The following PPAT variants were observed in gnomAD, a reference collection of about 807,000 sequenced individuals.
PPAT encodes the protein phosphoribosyl pyrophosphate amidotransferase, also known as amidophosphoribosyltransferase.
PPAT carries 20 observed loss-of-function variants against 60.2 expected under a neutral mutation model. That is an observed-to-expected ratio of 0.33 (90% CI 0.23 to 0.48). The LOEUF (loss-of-function observed/expected upper bound fraction) is 0.48. PPAT is among the 20% of genes least tolerant of loss of function. The pLI, the probability that PPAT is intolerant of heterozygous loss-of-function variation, is 0.99. For missense variants in PPAT, 349 were observed against 629.6 expected, an observed-to-expected ratio of 0.55 and a Z score of 4.77; for synonymous variants, 194 against 215.1, an observed-to-expected ratio of 0.90 and a Z score of 0.86.
chr4:56,400,466 G>GAGGA, intron 8 of PPAT: 1 of 191,510 alleles, frequency 5.2e-6, no homozygotes, highest in Non-Finnish European at 1.1e-5. Flanking sequence ...TGTGCAGAGG[G>GAGGA]TTGGCACCTT....
intron 1 of PPAT, among the ~76,000 whole-genome samples, chr4:56,411,658 AT>A (rs1428151160): frequency 6.6e-6 from 1 of 152,238 alleles, no homozygotes; most frequent in Non-Finnish European, 1.5e-5. Flanking sequence ...CAAGAGCAGA[AT>A]TATTCAAAAA....
rs1715918110 is a variant in PPAT, at chr4:56,394,663, G to A, written c.*689C>T. ...CAATTATGTCTCCTTCCATCATAATGAAATCTTAATTAATTGTAAACTAAT... is the reference window on the plus strand; with the variant it reads ...CAATTATGTCTCCTTCCATCATAATAAAATCTTAATTAATTGTAAACTAAT... On this transcript the variant is annotated 3_prime_UTR_variant, in exon 11 of 11. Transcript: ENST00000264220. 1 of 152,080 alleles carries A rather than the reference G, an allele frequency of 6.6e-6. No individual in the cohort carries two copies. Among genetic ancestry groups the A allele is most frequent in the Admixed American group, 6.6e-5 (1 of 15,254 alleles). 9.4% of individuals were successfully genotyped at this position (152,080 alleles called of 1,614,324 possible). A position where few individuals can be genotyped will look rare whatever the true frequency, so the allele number is the denominator to read the frequency against.
At position 56,435,530 on chromosome 4, in the gene PPAT, A is replaced by T; in HGVS notation, c.-53T>A. On this transcript the variant is annotated 5_prime_UTR_variant, in exon 1 of 11. Coordinates refer to ENST00000264220, the MANE Select transcript of PPAT (RefSeq NM_002703.5). ...CTGCCGCTGCGGCCAAGGTGTAAGC[A>T]CCAACCAGCTGCCAGCTCGGCCCGT... 1 of 1,611,044 alleles carries T rather than the reference A, an allele frequency of 6.2e-7. No individual in the cohort carries two copies. Among genetic ancestry groups the T allele is most frequent in the Non-Finnish European group, 8.5e-7 (1 of 1,179,152 alleles).
At chr4:56,431,330 C>A in intron 1 of PPAT, 1 of 395,372 alleles carries the variant, frequency 2.5e-6, no homozygotes, top group Non-Finnish European at 3.4e-6. Context: ...TGAAGATTAA[C>A]TGGGAACTAG....
intron 1 of PPAT, chr4:56,422,125 T>A (rs1416237422): frequency 1.3e-5 from 2 of 151,856 alleles, no homozygotes; most frequent in Non-Finnish European, 2.9e-5. Context: ...ACACAAAAAA[T>A]TAGCTAGGTG....
At chr4:56,411,735 G>T (rs748784165) in intron 1 of PPAT, among the ~76,000 whole-genome samples, 1 of 152,142 alleles carries the variant, frequency 6.6e-6, no homozygotes, top group African/African-American at 2.4e-5. Flanking sequence ...TTAGTAATGC[G>T]AAACCTCAAA....
Position 56,413,778 on chromosome 4 carries a change from T to G in PPAT, c.129-6062A>C, listed in dbSNP as rs185894881. 4.0e-4 allele frequency among the ~76,000 whole-genome samples: 61 copies of G among 152,138 alleles called. No individual in the cohort carries two copies. The East Asian group carries it at 0.01, about 26-fold the overall frequency. ...TGGGCTTGGTGGTGGGCACCTGTAA[T>G]CCCAGCTACTTGGGAGGCTGAGACA... On this transcript the variant is annotated intron_variant, in intron 1 of 10. Transcript: ENST00000264220.
At chr4:56,407,809 T>C in intron 1 of PPAT, 93 bp from the exon 2 acceptor site, 1 of 967,072 alleles carries the variant, frequency 1.0e-6, no homozygotes, top group Non-Finnish European at 1.7e-6. Flanking sequence ...CAAGCATCCA[T>C]GAACTTAGTG....
Position 56,396,684 on chromosome 4 carries a change from T to G in PPAT, c.1292A>C (p.Asn431Thr), listed in dbSNP as rs1185114863. 1 of 1,610,182 alleles carries G rather than the reference T, an allele frequency of 6.2e-7. No individual in the cohort carries two copies. ...AATGAGCTCTTCTTTTGTAGGAATG[T>G]TTATTCCCATGAAGCATGGATATTT... ...PIKYPCFMGI[N>T]IPTKEELIAN... The change falls in exon 10 of 11, where the codon AAC (asparagine) becomes ACC (threonine). Residue 431 changes from asparagine to threonine, a missense_variant. Physicochemically the swap from Asn to Thr is moderately conservative, Grantham distance 65 (BLOSUM62 0). This residue lies in a region of PPAT where 167 missense variants were observed against 328.6 expected (regional missense o/e 0.51). Transcript: ENST00000264220. This position sits in a 1 kb window ranked among gnomAD's most constrained non-coding sequence, Gnocchi z 4.6.
At chr4:56,402,290 C>T in intron 5 of PPAT, 109 bp from the exon 6 acceptor site, 2 of 707,198 alleles carry the variant, frequency 2.8e-6, no homozygotes, top group Non-Finnish European at 4.5e-6. Context: ...ATAGAATAGC[C>T]ATTTCTATGA....
chr4:56,423,681 T>G lies in PPAT; in HGVS notation c.128+11669A>C, dbSNP rs79611759. ...CAAGTTTTTTTTTTTGTTTGGCATG[T>G]TTGCATGCCAAATATGAAATATTTG... is the stretch of plus-strand genomic sequence containing the variant. On this transcript the variant is annotated intron_variant, in intron 1 of 10. Transcript: ENST00000264220. Among the ~76,000 whole-genome samples, 271 of 151,996 alleles carry G rather than the reference T, an allele frequency of 1.8e-3. 1 individual carries two copies. Among genetic ancestry groups the G allele is most frequent in the African/African-American group, 6.2e-3 (257 of 41,482 alleles).
chr4:56,431,463 T>C (rs1717581997), intron 1 of PPAT: 60 of 977,546 alleles, frequency 6.1e-5, no homozygotes, highest in Non-Finnish European at 7.2e-5. Context: ...CCTGAGATCA[T>C]TACAAATCAG....
At chr4:56,401,571 T>C (rs1487708747) in intron 6 of PPAT, 90 bp from the exon 7 acceptor site, 4 of 1,165,568 alleles carry the variant, frequency 3.4e-6, no homozygotes, top group Non-Finnish European at 4.9e-6. Flanking sequence ...ACAGAGTACC[T>C]TCCCTTAGAG....
chr4:56,426,583 C>T (rs1178451238), intron 1 of PPAT, among the ~76,000 whole-genome samples: 1 of 152,102 alleles, frequency 6.6e-6, no homozygotes, highest in Non-Finnish European at 1.5e-5. Flanking sequence ...GGTTCATCCA[C>T]GTTGTAGCAT....
chr4:56,431,217 T>G (rs1178426613), intron 1 of PPAT, among the ~76,000 whole-genome samples: 1 of 152,154 alleles, frequency 6.6e-6, no homozygotes, highest in Non-Finnish European at 1.5e-5. Flanking sequence ...TCATTTTCAG[T>G]CAAATATGAA....
At chr4:56,404,616 T>C (rs552934068) in intron 3 of PPAT, among the ~76,000 whole-genome samples, 2 of 152,282 alleles carry the variant, frequency 1.3e-5, no homozygotes, top group East Asian at 3.9e-4. Context: ...AACAGTGAGT[T>C]AGTGGTTATC....
At chr4:56,401,701 T>G (rs996111664) in intron 6 of PPAT, among the ~76,000 whole-genome samples, 1 of 152,120 alleles carries the variant, frequency 6.6e-6, no homozygotes, top group African/African-American at 2.4e-5. Context: ...ATTAAAAAAT[T>G]AAGGGCCCTA....
chr4:56,399,476 C>A, intron 8 of PPAT, 76 bp from the exon 9 acceptor site: 3 of 1,082,836 alleles, frequency 2.8e-6, no homozygotes, highest in Non-Finnish European at 3.9e-6. Context: ...GTTGTGTTGC[C>A]GCCACAATAT....
chr4:56,425,492 ATTATGAAG>A, intron 1 of PPAT: 1 of 372,244 alleles, frequency 2.7e-6, no homozygotes, highest in Non-Finnish European at 3.7e-6. Flanking sequence ...CAACTTGTTT[ATTATGAAG>A]TCATGATTTT....
Sources: gnomAD v4.1 joint callset for allele counts (sites outside exome capture counted in the v4.1 genomes callset) on GRCh38, gnomAD v4.1.1 for gene constraint, gnomAD v4.1.1 regional missense constraint, Gnocchi (gnomAD v3.1) non-coding constraint, MANE v1.5 for transcripts, NCBI Gene and HGNC (gene_info 2026-07-23, HGNC 2026-07-21) for gene names.